The following SMC1B variants were observed in gnomAD, a reference collection of about 807,000 sequenced individuals.
The protein encoded by SMC1B is structural maintenance of chromosomes 1B, also known as structural maintenance of chromosomes protein 1B.
Under a neutral mutation model 157.9 loss-of-function variants are expected in SMC1B, and 60 were observed. The observed-to-expected ratio is 0.38, with a 90% CI of 0.31 to 0.47. SMC1B has a LOEUF of 0.47. SMC1B is among the 20% of genes least tolerant of loss of function. The pLI is 0.99. For synonymous variants in SMC1B, 445 were observed against 483.0 expected (o/e 0.92, Z 1.03); for missense variants, 1,165 against 1,426.2 (o/e 0.82, Z 2.95).
chr22:45,362,876 A>G lies in SMC1B; in HGVS notation c.2562+9T>C. 1.9e-6 allele frequency: 3 copies of G among 1,587,028 alleles called. No individual in the cohort carries two copies. The highest frequency in any genetic ancestry group is 1.4e-5 in the African/African-American group (1 of 73,634). ...TGAAGAGGCACTTCAGCTACCCATT[A>G]TTAATTACCTTCTTTAGGTGATCAA... is the stretch of plus-strand genomic sequence containing the variant. On this transcript the variant is annotated intron_variant, in intron 16 of 24. Transcript: ENST00000357450.
At chr22:45,351,377 A>G (rs545026182) in intron 22 of SMC1B, among the ~76,000 whole-genome samples, 1 of 152,232 alleles carries the variant, frequency 6.6e-6, no homozygotes, top group South Asian at 2.1e-4. Context: ...GATTTTGCTC[A>G]GATGACTTGT....
At chr22:45,353,902 A>AAAC in intron 21 of SMC1B, 76 bp downstream of exon 21, 1 of 599,364 alleles carries the variant, frequency 1.7e-6, no homozygotes, top group Non-Finnish European at 2.5e-6. Flanking sequence ...CCAAAAAAAA[A>AAAC]AAAAAAAAAA....
At chr22:45,349,871 CAG>C (rs1228403481) in intron 22 of SMC1B, 74 bp from the exon 23 acceptor site, 4 of 1,159,456 alleles carry the variant, frequency 3.4e-6, no homozygotes, top group East Asian at 4.8e-5. Context: ...AAAAGATTAA[CAG>C]TATTCAGAAT....
intron 7 of SMC1B, among the ~76,000 whole-genome samples, chr22:45,395,806 G>A (rs1158722099): frequency 6.6e-6 from 1 of 152,194 alleles, no homozygotes; most frequent in South Asian, 2.1e-4. Context: ...GTAGTGAACC[G>A]AGATCGCGTC....
intron 15 of SMC1B, among the ~76,000 whole-genome samples, chr22:45,364,021 G>A (rs1197512648): frequency 6.6e-6 from 1 of 151,964 alleles, no homozygotes; most frequent in Non-Finnish European, 1.5e-5. Flanking sequence ...GCTAATTTTT[G>A]TATTTTTAAT....
At chr22:45,384,210 G>GC (rs200953237) in intron 11 of SMC1B, among the ~76,000 whole-genome samples, 1,642 of 152,080 alleles carry the variant, frequency 0.011, 27 homozygotes, top group African/African-American at 0.038. Flanking sequence ...TCATATCCTT[G>GC]CCCATTTTCC....
chr22:45,362,273 A>G (rs1288347686), intron 16 of SMC1B, among the ~76,000 whole-genome samples: 1 of 152,184 alleles, frequency 6.6e-6, no homozygotes, highest in African/African-American at 2.4e-5. Flanking sequence ...TGTTTCTGCT[A>G]TCATGATCTC....
intron 4 of SMC1B, among the ~76,000 whole-genome samples, chr22:45,402,935 C>T (rs1444352173): frequency 1.3e-5 from 2 of 152,160 alleles, no homozygotes; most frequent in Non-Finnish European, 2.9e-5. Flanking sequence ...TTATAAGGTG[C>T]TAGTAACTTT....
intron 6 of SMC1B, among the ~76,000 whole-genome samples, chr22:45,397,264 C>G (rs1439062975): frequency 6.6e-6 from 1 of 152,150 alleles, no homozygotes; most frequent in Non-Finnish European, 1.5e-5. Flanking sequence ...TGCCTGTAAT[C>G]CCAGCACTTT....
chr22:45,360,698 A>G (rs1484693292), intron 17 of SMC1B, among the ~76,000 whole-genome samples: 1 of 152,234 alleles, frequency 6.6e-6, no homozygotes, highest in African/African-American at 2.4e-5. Context: ...GTTTTAAAAA[A>G]GCAAGAGTAA....
intron 5 of SMC1B, among the ~76,000 whole-genome samples, chr22:45,399,854 T>TG (rs1602092720): frequency 6.6e-6 from 1 of 152,152 alleles, no homozygotes; most frequent in Non-Finnish European, 1.5e-5. Context: ...ATGCTTTCCA[T>TG]GGGGGTACGG....
intron 12 of SMC1B, among the ~76,000 whole-genome samples, chr22:45,375,406 C>CTA (rs890189031): frequency 1.3e-5 from 2 of 152,222 alleles, no homozygotes; most frequent in Non-Finnish European, 2.9e-5. Flanking sequence ...CCTCCTGAGA[C>CTA]TGTGTCATGG....
At chr22:45,355,311 T>C (rs1391462718) in intron 19 of SMC1B, among the ~76,000 whole-genome samples, 196 bp from the exon 20 acceptor site, 1 of 152,210 alleles carries the variant, frequency 6.6e-6, no homozygotes, top group Non-Finnish European at 1.5e-5. Flanking sequence ...TGCTCTTTTC[T>C]TTGAACACAT....
At chr22:45,398,751 C>T (rs2087156518) in intron 6 of SMC1B, among the ~76,000 whole-genome samples, 1 of 152,084 alleles carries the variant, frequency 6.6e-6, no homozygotes, top group African/African-American at 2.4e-5. Context: ...ATCGCTTGAA[C>T]CCATAAGGCG....
intron 12 of SMC1B, among the ~76,000 whole-genome samples, chr22:45,374,496 C>G (rs1355540718): frequency 6.6e-6 from 1 of 152,138 alleles, no homozygotes; most frequent in African/African-American, 2.4e-5. Flanking sequence ...GTTTCAAAAA[C>G]TAGTACACCT....
intron 5 of SMC1B, among the ~76,000 whole-genome samples, chr22:45,399,884 T>C (rs995565251): frequency 2.0e-5 from 3 of 152,122 alleles, no homozygotes; most frequent in Admixed American, 1.3e-4. Context: ...TCTGACGCTA[T>C]TACACGTGAT....
chr22:45,364,121 T>C (rs977144171), intron 15 of SMC1B, among the ~76,000 whole-genome samples: 1 of 152,166 alleles, frequency 6.6e-6, no homozygotes, highest in Non-Finnish European at 1.5e-5. Context: ...AGTGCTGGAA[T>C]TACAGGCATG....
chr22:45,371,413 T>G, intron 14 of SMC1B, 58 bp downstream of exon 14: 1 of 1,473,782 alleles, frequency 6.8e-7, no homozygotes. Flanking sequence ...AAGCCCTAAA[T>G]CTAGTATCTG....
In SMC1B at chr22:45,393,781, T is replaced by C; in HGVS notation, c.1398A>G (p.Thr466=). 1 of 1,613,980 alleles carries C rather than the reference T, an allele frequency of 6.2e-7. No homozygotes were observed. Among genetic ancestry groups the C allele is most frequent in the Non-Finnish European group, 8.5e-7 (1 of 1,179,886 alleles). The part of the protein sequence containing the change: ...EETLVDEIEK[T]KSRMSEVNEE... ...CATTAACTTCAGACATTCTTGATTT[T>C]GTTTTTTCAATTTCATCCACTAGGG... is the stretch of plus-strand genomic sequence containing the variant. The change falls in exon 9 of 25, where the codon ACA becomes ACG. Residue 466 remains threonine (T), a synonymous_variant. Transcript: ENST00000357450.
Sources: allele counts gnomAD v4.1 joint callset (sites outside exome capture counted in the v4.1 genomes callset), GRCh38; gene constraint gnomAD v4.1.1; transcripts MANE v1.5; gene names NCBI Gene and HGNC (gene_info 2026-07-23, HGNC 2026-07-21).